TBL1XR1: variants seen among roughly 807,000 people sequenced by gnomAD.
The protein encoded by TBL1XR1 is F-box-like/WD repeat-containing protein TBL1XR1.
In TBL1XR1, 5 loss-of-function variants were observed where a neutral mutation model predicts 66.9. That is an observed-to-expected ratio of 0.07 (90% CI 0.04 to 0.16). The LOEUF (loss-of-function observed/expected upper bound fraction) is 0.16, where lower values mean the gene tolerates loss of function less well. TBL1XR1 is among the 10% of genes least tolerant of loss of function. The pLI is 1.00. For synonymous variants in TBL1XR1, 210 were observed against 206.0 expected, an observed-to-expected ratio of 1.02 and a Z score of -0.17; for missense variants, 238 against 623.2, an observed-to-expected ratio of 0.38 and a Z score of 6.58.
At chr3:177,127,518 C>T (rs1293079133) in intron 1 of TBL1XR1, among the ~76,000 whole-genome samples, 2 of 152,170 alleles carry the variant, frequency 1.3e-5, no homozygotes, top group Non-Finnish European at 2.9e-5. Context: ...TTGTTACTTG[C>T]TATCTTGTAT....
chr3:177,195,946 TAATTTTTAACTAGTTTCCA>T (rs1736797583), intron 1 of TBL1XR1, among the ~76,000 whole-genome samples: 1 of 152,184 alleles, frequency 6.6e-6, no homozygotes, highest in Non-Finnish European at 1.5e-5. Context: ...TGAGAACACC[TAATTTTTAACTAGTTTCCA>T]ACATTTCTCA....
intron 2 of TBL1XR1, among the ~76,000 whole-genome samples, chr3:177,072,794 T>C (rs1035574792): frequency 6.6e-6 from 1 of 152,232 alleles, no homozygotes; most frequent in African/African-American, 2.4e-5. Flanking sequence ...CCAGGCGCAG[T>C]GGCTCACGCC....
Position 177,143,787 on chromosome 3 carries a change from G to GA in TBL1XR1, c.-121-45247_-121-45246insT, listed in dbSNP as rs1178497998. Among the ~76,000 whole-genome samples, 121 of 152,282 alleles carry GA rather than the reference G, an allele frequency of 7.9e-4. No individual in the cohort carries two copies. In the South Asian group the frequency reaches 0.023, roughly 29 times the overall value. On this transcript the variant is annotated intron_variant, in intron 1 of 15. Transcript: ENST00000457928. ...AGATGGGTCTCTGATAGTTCATTCA[G>GA]GCTCTAACAGAATTAAATTATCAAC...
chr3:177,099,758 C>G (rs1271212152), intron 1 of TBL1XR1, among the ~76,000 whole-genome samples: 1 of 152,216 alleles, frequency 6.6e-6, no homozygotes, highest in African/African-American at 2.4e-5. Context: ...CTGTTTACCT[C>G]AAGGTCATTT....
chr3:177,054,337 A>G (rs1055871280), intron 3 of TBL1XR1, among the ~76,000 whole-genome samples: 11 of 152,118 alleles, frequency 7.2e-5, no homozygotes, highest in Non-Finnish European at 1.3e-4. Context: ...ATATTTTAAT[A>G]TTTTTTACAT....
At chr3:177,100,705 G>A (rs566629902) in intron 1 of TBL1XR1, among the ~76,000 whole-genome samples, 1 of 152,248 alleles carries the variant, frequency 6.6e-6, no homozygotes, top group African/African-American at 2.4e-5. Context: ...GATTACAGGG[G>A]TGAGCCACTG....
At chr3:177,200,327 G>A (rs138923429), upstream of TBL1XR1, among the ~76,000 whole-genome samples, 764 of 152,294 alleles carry the variant, frequency 5.0e-3, no homozygotes, top group Non-Finnish European at 9.1e-3. Context: ...ATGTGGAAAG[G>A]CCTTGATTCT....
intron 2 of TBL1XR1, among the ~76,000 whole-genome samples, chr3:177,086,470 G>A (rs1722133113): frequency 6.6e-6 from 1 of 152,110 alleles, no homozygotes; most frequent in African/African-American, 2.4e-5. Flanking sequence ...AATATGGGTA[G>A]TCTGTCTTAC....
chr3:177,159,544 C>T (rs1350637210), intron 1 of TBL1XR1, among the ~76,000 whole-genome samples: 1 of 152,168 alleles, frequency 6.6e-6, no homozygotes, highest in Non-Finnish European at 1.5e-5. Context: ...ACATTTTCAG[C>T]AGCATGAGTT....
intron 14 of TBL1XR1, among the ~76,000 whole-genome samples, chr3:177,030,751 A>T (rs1013375451): frequency 6.6e-6 from 1 of 152,252 alleles, no homozygotes; most frequent in Non-Finnish European, 1.5e-5. Context: ...ATATACATGG[A>T]AATGATATTA....
At chr3:177,064,688 CTT>C (rs942079445) in intron 3 of TBL1XR1, among the ~76,000 whole-genome samples, 27 of 151,990 alleles carry the variant, frequency 1.8e-4, no homozygotes, top group African/African-American at 6.3e-4. Context: ...TAAAAATGGT[CTT>C]TGAACAACGA....
At position 177,038,399 on chromosome 3, in the gene TBL1XR1, T is replaced by C. The variant is rs753108357; in HGVS notation, c.961A>G (p.Thr321Ala). ...ALDVDWQSNN[T>A]FASCSTDMCI... ...ATATCTGTACTACAAGAAGCAAAGG[T>C]GTTGTTGCTCTGCCAATCAACATCC... Residue 321 changes from threonine to alanine, a missense_variant, in exon 11 of 16, where the codon ACC becomes GCC. Physicochemically the swap from Thr to Ala is moderately conservative, Grantham distance 58 (BLOSUM62 0). Around this residue, in one of 8 missense-constraint regions of TBL1XR1, gnomAD observed 89 missense variants for 220.2 expected, o/e 0.40. Coordinates refer to ENST00000457928, the MANE Select transcript of TBL1XR1 (RefSeq NM_024665.7). 4.9e-5 allele frequency: 77 copies of C among 1,572,694 alleles called. No individual in the cohort carries two copies. Among genetic ancestry groups the C allele is most frequent in the Non-Finnish European group, 6.6e-5 (76 of 1,157,314 alleles).
chr3:177,026,965 A>G (rs982560301), intron 14 of TBL1XR1: 2 of 152,596 alleles, frequency 1.3e-5, no homozygotes, highest in African/African-American at 2.4e-5. Context: ...TTCCTAAGCT[A>G]GGGGATTATA....
At chr3:177,089,359 G>C (rs1722544347) in intron 2 of TBL1XR1, among the ~76,000 whole-genome samples, 2 of 152,190 alleles carry the variant, frequency 1.3e-5, no homozygotes, top group South Asian at 4.1e-4. Context: ...CCTGCCCTCC[G>C]CAAAGCCTAA....
At chr3:177,063,890 A>G (rs1718824946) in intron 3 of TBL1XR1, among the ~76,000 whole-genome samples, 1 of 152,180 alleles carries the variant, frequency 6.6e-6, no homozygotes, top group East Asian at 1.9e-4. Flanking sequence ...CCTACCCCCA[A>G]AAAATGCTCA....
intron 4 of TBL1XR1, 66 bp from the exon 5 acceptor site, chr3:177,051,792 C>CA (rs1717124786): frequency 7.5e-7 from 1 of 1,341,116 alleles, no homozygotes; most frequent in South Asian, 2.0e-5. Context: ...TGTATTTATA[C>CA]AAAATCAGAA....
At chr3:177,133,876 C>CAAAAAAAAAAAAAAAAAAAAAA in intron 1 of TBL1XR1, among the ~76,000 whole-genome samples, 1 of 105,748 alleles carries the variant, frequency 9.5e-6, no homozygotes, top group Non-Finnish European at 1.9e-5. Flanking sequence ...ACTCCTATCT[C>CAAAAAAAAAAAAAAAAAAAAAA]AAAAAAAAAA....
chr3:177,034,166 T>C (rs756468196), intron 13 of TBL1XR1, 32 bp downstream of exon 13: 1 of 1,587,194 alleles, frequency 6.3e-7, no homozygotes, highest in Non-Finnish European at 8.5e-7. Flanking sequence ...TGTAGAAGAC[T>C]CATAAAAGGA....
chr3:177,187,255 G>T (rs1454601102), intron 1 of TBL1XR1, among the ~76,000 whole-genome samples: 1 of 151,818 alleles, frequency 6.6e-6, no homozygotes, highest in Non-Finnish European at 1.5e-5. Flanking sequence ...TTAGCCATGT[G>T]TGGTGGCGGG....
Sources: gnomAD v4.1 joint callset for allele counts (sites outside exome capture counted in the v4.1 genomes callset) on GRCh38, gnomAD v4.1.1 for gene constraint, gnomAD v4.1.1 regional missense constraint, MANE v1.5 for transcripts, NCBI Gene and HGNC (gene_info 2026-07-23, HGNC 2026-07-21) for gene names.